Variants in PDE7B observed in about 807,000 individuals in gnomAD.
PDE7B encodes 3',5'-cyclic-AMP phosphodiesterase 7B.
In PDE7B, 29 loss-of-function variants were observed where a neutral mutation model predicts 56.2. The observed-to-expected ratio is 0.52, with a 90% confidence interval of 0.38 to 0.70. PDE7B has a LOEUF of 0.70. Among genes scored for constraint, PDE7B ranks in the 30% least tolerant of loss-of-function variants. The pLI is 0.00. For synonymous variants in PDE7B, 197 were observed against 196.9 expected (o/e 1.00, Z 0.00); for missense variants, 490 against 565.0 (o/e 0.87, Z 1.35).
chr6:136,108,608 T>C lies in PDE7B; in HGVS notation c.83-123T>C. 7 of 724,454 alleles carry C rather than the reference T, an allele frequency of 9.7e-6. No individual in the cohort carries two copies. In the South Asian group the frequency reaches 1.0e-4, roughly 11 times the overall value. 44.9% of individuals were successfully genotyped at this position (724,454 alleles called of 1,614,324 possible). Reference sequence around the variant, plus strand: ...TTCCTTTCCACATAGCACTCTTCAGTATGGTGAATGGGAACCATTTTTCTC... The same window carrying C: ...TTCCTTTCCACATAGCACTCTTCAGCATGGTGAATGGGAACCATTTTTCTC... On this transcript the variant is annotated intron_variant, in intron 2 of 12. Coordinates refer to ENST00000308191, the MANE Select transcript of PDE7B (RefSeq NM_018945.4).
Position 136,167,139 on chromosome 6 carries a change from T to C in PDE7B, c.712-6658T>C, listed in dbSNP as rs899580851. On this transcript the variant is annotated intron_variant, in intron 8 of 12. Coordinates refer to ENST00000308191, the MANE Select transcript of PDE7B (RefSeq NM_018945.4). ...CTCAAATCTCACATTTCCCCATGAC[T>C]ACCTTACCAGCCCTGACTATATCTG... Among the ~76,000 whole-genome samples, 13 of 152,162 alleles carry C rather than the reference T, an allele frequency of 8.5e-5. 1 individual carries two copies. Among genetic ancestry groups the C allele is most frequent in the Admixed American group, 7.9e-4 (12 of 15,268 alleles).
chr6:135,880,691 G>C (rs554627952), intron 1 of PDE7B, among the ~76,000 whole-genome samples: 1 of 152,322 alleles, frequency 6.6e-6, no homozygotes, highest in East Asian at 1.9e-4. Flanking sequence ...CCCTGAAGTT[G>C]AGAGAGGCAG....
rs551658279 is a variant in PDE7B, at chr6:135,940,532, G to A, written c.22-6932G>A. 6.6e-5 allele frequency among the ~76,000 whole-genome samples: 10 copies of A among 152,286 alleles called. 1 individual carries two copies. The highest frequency in any genetic ancestry group is 2.1e-4 in the South Asian group (1 of 4,824). Reference sequence around the variant, plus strand: ...CATTAATGGAGATCCAAACTTCCAGGCACTGTCAGGGAGTTCAGTTTCTTA... The same window carrying A: ...CATTAATGGAGATCCAAACTTCCAGACACTGTCAGGGAGTTCAGTTTCTTA... On this transcript the variant is annotated intron_variant, in intron 1 of 12. Coordinates refer to ENST00000308191, the MANE Select transcript of PDE7B (RefSeq NM_018945.4).
intron 1 of PDE7B, among the ~76,000 whole-genome samples, chr6:135,894,354 G>C (rs191198964): frequency 3.3e-5 from 5 of 152,038 alleles, no homozygotes; most frequent in African/African-American, 4.8e-5. Flanking sequence ...AAAAACCTAC[G>C]TGAAAGATAC....
chr6:136,181,463 C>T (rs1779066263), intron 11 of PDE7B, 140 bp downstream of exon 11: 1 of 616,668 alleles, frequency 1.6e-6, no homozygotes, highest in Non-Finnish European at 2.9e-6. Flanking sequence ...CTCTTTTACT[C>T]TCTTGGAACT....
chr6:136,061,171 C>T (rs866066254), intron 2 of PDE7B, among the ~76,000 whole-genome samples: 2 of 151,788 alleles, frequency 1.3e-5, no homozygotes, highest in African/African-American at 4.8e-5. Context: ...TGTTTGCAGG[C>T]GTCAGAGATC....
At chr6:135,927,983 C>T (rs1774219400) in intron 1 of PDE7B, among the ~76,000 whole-genome samples, 1 of 152,014 alleles carries the variant, frequency 6.6e-6, no homozygotes, top group Non-Finnish European at 1.5e-5. Context: ...CAGTCATGAG[C>T]AGACACTTCT....
intron 3 of PDE7B, among the ~76,000 whole-genome samples, chr6:136,141,753 T>C (rs556931355): frequency 3.3e-4 from 50 of 152,366 alleles, no homozygotes; most frequent in Middle Eastern, 6.8e-3. Flanking sequence ...TTTATTTGCG[T>C]ACAGGTGTTT....
At chr6:135,891,989 A>G (rs114344121) in intron 1 of PDE7B, among the ~76,000 whole-genome samples, 2 of 152,240 alleles carry the variant, frequency 1.3e-5, no homozygotes, top group African/African-American at 4.8e-5. Flanking sequence ...CAAGAAATTG[A>G]ATTAAAAAAA....
At chr6:136,176,693 T>C (rs1778983766) in intron 9 of PDE7B, among the ~76,000 whole-genome samples, 1 of 152,170 alleles carries the variant, frequency 6.6e-6, no homozygotes, top group South Asian at 2.1e-4. Flanking sequence ...CATCAAATGC[T>C]TTTTCCACTA....
At chr6:135,997,252 A>C (rs1775581667) in intron 2 of PDE7B, among the ~76,000 whole-genome samples, 2 of 151,584 alleles carry the variant, frequency 1.3e-5, no homozygotes, top group African/African-American at 4.9e-5. Context: ...TGTCTCAACA[A>C]AAAATCCAAA....
chr6:136,108,944 C>T, intron 3 of PDE7B, 130 bp downstream of exon 3: 1 of 682,700 alleles, frequency 1.5e-6, no homozygotes, highest in Middle Eastern at 3.3e-4. Flanking sequence ...CTTCTGCCAA[C>T]TAGAACTTAA....
At chr6:136,002,958 T>A (rs1022190804) in intron 2 of PDE7B, among the ~76,000 whole-genome samples, 2 of 151,282 alleles carry the variant, frequency 1.3e-5, no homozygotes, top group African/African-American at 2.4e-5. Context: ...GAAGTAAAGC[T>A]CTCCTCAGCA....
At chr6:136,083,213 G>A (rs1346216248) in intron 2 of PDE7B, among the ~76,000 whole-genome samples, 1 of 152,170 alleles carries the variant, frequency 6.6e-6, no homozygotes, top group Non-Finnish European at 1.5e-5. Context: ...GGAAGACTGA[G>A]GGTGGAACCC....
chr6:136,101,254 G>A (rs1777556558), intron 2 of PDE7B, among the ~76,000 whole-genome samples: 1 of 152,202 alleles, frequency 6.6e-6, no homozygotes, highest in Non-Finnish European at 1.5e-5. Context: ...GCCAGGCTTT[G>A]CTATCAGGAT....
chr6:135,912,750 G>A (rs1562436436), intron 1 of PDE7B, among the ~76,000 whole-genome samples: 1 of 152,158 alleles, frequency 6.6e-6, no homozygotes. Context: ...ATTAATATCT[G>A]AAAATAGCTT....
chr6:135,852,628 GT>G (rs1774960841), intron 1 of PDE7B, among the ~76,000 whole-genome samples: 1 of 152,122 alleles, frequency 6.6e-6, no homozygotes. Flanking sequence ...TTCAAAAAAT[GT>G]TTTGGATTCA....
intron 2 of PDE7B, chr6:136,038,147 G>GT (rs759005318): frequency 1.5e-6 from 2 of 1,301,000 alleles, no homozygotes; most frequent in African/African-American, 3.0e-5. Context: ...TCTTACGGGG[G>GT]TTCGCTTTTC....
intron 1 of PDE7B, among the ~76,000 whole-genome samples, chr6:135,936,305 A>G (rs1032715239): frequency 1.3e-5 from 2 of 152,218 alleles, no homozygotes; most frequent in African/African-American, 4.8e-5. Context: ...TGGACATCAG[A>G]TAGGCAAATA....
Sources: allele counts gnomAD v4.1 joint callset (sites outside exome capture counted in the v4.1 genomes callset), GRCh38; gene constraint gnomAD v4.1.1; transcripts MANE v1.5; gene names NCBI Gene and HGNC (gene_info 2026-07-23, HGNC 2026-07-21).